The following NXPH1 variants were observed in gnomAD, a reference collection of about 807,000 sequenced individuals.
The protein encoded by NXPH1 is neurexophilin 1.
NXPH1 carries 5 observed loss-of-function variants against 23.7 expected under a neutral mutation model. The observed-to-expected ratio is 0.21, with a 90% CI of 0.11 to 0.44. The LOEUF is 0.44. NXPH1 is among the 20% of genes least tolerant of loss of function. The probability of loss-of-function intolerance (pLI) is 0.99; values close to 1 mark genes in which losing one functional copy is unlikely to be tolerated. For synonymous variants in NXPH1, 144 were observed against 122.2 expected, an observed-to-expected ratio of 1.18 and a Z score of -1.18; for missense variants, 324 against 321.6, an observed-to-expected ratio of 1.01 and a Z score of -0.06.
At chr7:8,638,621 GA>G (rs1370813468) in intron 2 of NXPH1, among the ~76,000 whole-genome samples, 2 of 152,170 alleles carry the variant, frequency 1.3e-5, no homozygotes, top group African/African-American at 4.8e-5. Context: ...CAAACACTTA[GA>G]GGGGCTTTTA....
intron 2 of NXPH1, among the ~76,000 whole-genome samples, chr7:8,617,897 CT>C (rs1562428971): frequency 6.6e-6 from 1 of 152,066 alleles, no homozygotes; most frequent in East Asian, 1.9e-4. Flanking sequence ...GTTAAAATAT[CT>C]CATGTACTCC....
intron 2 of NXPH1, among the ~76,000 whole-genome samples, chr7:8,710,947 C>T (rs533634973): frequency 6.6e-6 from 1 of 151,894 alleles, no homozygotes; most frequent in African/African-American, 2.4e-5. Context: ...CAGGCGTGAG[C>T]CACCGCGCCC....
At chr7:8,512,425 CTT>C (rs1817626881) in intron 2 of NXPH1, among the ~76,000 whole-genome samples, 1 of 152,102 alleles carries the variant, frequency 6.6e-6, no homozygotes, top group Non-Finnish European at 1.5e-5. Context: ...GGAAGTGACT[CTT>C]AATCTTTTTG....
At chr7:8,611,248 G>C (rs962446250) in intron 2 of NXPH1, among the ~76,000 whole-genome samples, 8 of 152,138 alleles carry the variant, frequency 5.3e-5, no homozygotes, top group African/African-American at 1.9e-4. Context: ...GATATAATTT[G>C]ATGGGCTTTT....
intron 2 of NXPH1, among the ~76,000 whole-genome samples, chr7:8,544,852 A>C (rs1818175779): frequency 6.6e-6 from 1 of 151,642 alleles, no homozygotes. Flanking sequence ...CCTTTAGAAA[A>C]TGTAAATACA....
chr7:8,743,166 T>G (rs992794940), intron 2 of NXPH1, among the ~76,000 whole-genome samples: 1 of 152,150 alleles, frequency 6.6e-6, no homozygotes. Context: ...CAGTGAGCAA[T>G]GTTGCTTGAG....
At chr7:8,750,138 T>A (rs758950761) in intron 2 of NXPH1, among the ~76,000 whole-genome samples, 5 of 152,206 alleles carry the variant, frequency 3.3e-5, no homozygotes, top group African/African-American at 1.2e-4. Flanking sequence ...TAAAAAATTA[T>A]GTCTTATTCA....
intron 2 of NXPH1, among the ~76,000 whole-genome samples, chr7:8,732,434 C>T (rs1165645236): frequency 6.6e-6 from 1 of 152,164 alleles, no homozygotes; most frequent in Non-Finnish European, 1.5e-5. Flanking sequence ...TGTCTATTAC[C>T]ATTCATATAA....
chr7:8,491,603 A>T (rs1412506697), intron 2 of NXPH1, among the ~76,000 whole-genome samples: 2 of 152,028 alleles, frequency 1.3e-5, no homozygotes, highest in East Asian at 3.9e-4. Flanking sequence ...CTCATAAGCC[A>T]TTCTGATGGT....
At chr7:8,545,479 G>C (rs573889644) in intron 2 of NXPH1, among the ~76,000 whole-genome samples, 117 of 151,620 alleles carry the variant, frequency 7.7e-4, no homozygotes, top group African/African-American at 2.7e-3. Context: ...CTCTTGTAGA[G>C]TTAAATATGA....
At chr7:8,518,302 A>G (rs567254020) in intron 2 of NXPH1, among the ~76,000 whole-genome samples, 1 of 152,252 alleles carries the variant, frequency 6.6e-6, no homozygotes, top group East Asian at 1.9e-4. Flanking sequence ...TTGTTGAAAC[A>G]TGGAAGGAGT....
At chr7:8,612,274 A>AT (rs1240510690) in intron 2 of NXPH1, among the ~76,000 whole-genome samples, 35 of 115,686 alleles carry the variant, frequency 3.0e-4, no homozygotes, top group Middle Eastern at 4.5e-3. Context: ...CCTTCCTTCC[A>AT]TTTTTTTTTC....
intron 2 of NXPH1, among the ~76,000 whole-genome samples, chr7:8,737,133 T>A (rs1477182730): frequency 1.3e-5 from 2 of 152,192 alleles, no homozygotes; most frequent in Non-Finnish European, 2.9e-5. Flanking sequence ...CATTTACATT[T>A]AAAGTTAATA....
In NXPH1 at chr7:8,710,643, TTTTG is replaced by T. The variant is rs1300216809; in HGVS notation, c.55-40361_55-40358del. 4.2e-4 allele frequency among the ~76,000 whole-genome samples: 6 copies of T among 14,448 alleles called. 1 individual carries two copies. In the East Asian group the frequency reaches 7.5e-3, roughly 18 times the overall value. The allele number at this position is 14,448 out of a possible 152,430, so 9.5% of individuals were successfully genotyped here. ...AACAAAGCATGTCAACTGTTACGTT[TTTTG>T]TTTTTTTTTTTTTTTTTTTTTTTTT... On this transcript the variant is annotated intron_variant, in intron 2 of 2. Transcript: ENST00000405863.
chr7:8,503,743 C>T (rs1400691177), intron 2 of NXPH1, among the ~76,000 whole-genome samples: 3 of 151,990 alleles, frequency 2.0e-5, no homozygotes, highest in African/African-American at 7.2e-5. Context: ...CATAGAATTT[C>T]TTGCCTATGA....
intron 2 of NXPH1, among the ~76,000 whole-genome samples, chr7:8,748,791 G>A (rs182570788): frequency 2.3e-4 from 35 of 152,204 alleles, no homozygotes; most frequent in African/African-American, 7.5e-4. Context: ...ATGAAGTTGC[G>A]TTTTATCTCT....
At chr7:8,665,296 G>A (rs920071601) in intron 2 of NXPH1, among the ~76,000 whole-genome samples, 2 of 151,966 alleles carry the variant, frequency 1.3e-5, no homozygotes, top group Non-Finnish European at 2.9e-5. Flanking sequence ...CCCATTGTGT[G>A]TTCTTGGCAC....
chr7:8,456,596 G>A (rs190233778), intron 2 of NXPH1, among the ~76,000 whole-genome samples: 19 of 152,230 alleles, frequency 1.2e-4, no homozygotes, highest in African/African-American at 2.9e-4. Flanking sequence ...GAATCATGGT[G>A]GAAGAGAAAT....
chr7:8,634,025 ATTGT>A (rs1222953224), intron 2 of NXPH1, among the ~76,000 whole-genome samples: 1 of 152,022 alleles, frequency 6.6e-6, no homozygotes, highest in East Asian at 1.9e-4. Context: ...GGTAATTCTG[ATTGT>A]TTGAAAGTTG....
Sources: gnomAD v4.1 joint callset for allele counts (sites outside exome capture counted in the v4.1 genomes callset) on GRCh38, gnomAD v4.1.1 for gene constraint, MANE v1.5 for transcripts, NCBI Gene and HGNC (gene_info 2026-07-23, HGNC 2026-07-21) for gene names.